ELOVL5: variants seen among roughly 807,000 people sequenced by gnomAD.
ELOVL5 encodes ELOVL fatty acid elongase 5, also known as very long chain fatty acid elongase 5.
ELOVL5 carries 8 observed loss-of-function variants against 38.6 expected under a neutral mutation model. The observed-to-expected ratio is 0.21, with a 90% confidence interval of 0.12 to 0.37. The LOEUF is 0.37. Ranked by LOEUF, ELOVL5 falls within the 10% of genes least tolerant of loss-of-function variation. The pLI is 1.00. For synonymous variants in ELOVL5, 127 were observed against 133.7 expected (o/e 0.95, Z 0.34); for missense variants, 280 against 367.8 (o/e 0.76, Z 1.95).
intron 1 of ELOVL5, among the ~76,000 whole-genome samples, chr6:53,305,394 C>T (rs1767470678): frequency 6.7e-6 from 1 of 150,228 alleles, no homozygotes; most frequent in African/African-American, 2.5e-5. Context: ...CCCCCCACCT[C>T]CCTCCCGGGC....
At chr6:53,334,104 C>A (rs1363451759) in intron 1 of ELOVL5, among the ~76,000 whole-genome samples, 3 of 152,124 alleles carry the variant, frequency 2.0e-5, no homozygotes, top group Admixed American at 2.0e-4. Flanking sequence ...CTTCTGAAAC[C>A]AAAAACTTTT....
At chr6:53,314,348 C>T (rs569861643) in intron 1 of ELOVL5, among the ~76,000 whole-genome samples, 28 of 152,196 alleles carry the variant, frequency 1.8e-4, no homozygotes, top group African/African-American at 6.0e-4. Flanking sequence ...AGTTAGGTGC[C>T]CACCTACAGC....
At chr6:53,335,609 T>C (rs1012721092) in intron 1 of ELOVL5, among the ~76,000 whole-genome samples, 14 of 152,118 alleles carry the variant, frequency 9.2e-5, no homozygotes, top group Non-Finnish European at 1.8e-4. Flanking sequence ...TTTGTCACTA[T>C]CCTTCCCCCA....
intron 1 of ELOVL5, among the ~76,000 whole-genome samples, chr6:53,315,589 C>A (rs1767997279): frequency 1.3e-5 from 2 of 152,260 alleles, no homozygotes; most frequent in South Asian, 4.1e-4. Flanking sequence ...AGTCATCTGG[C>A]CTTTGGAAAA....
chr6:53,295,544 T>C (rs1766958041), intron 2 of ELOVL5, 98 bp downstream of exon 2: 3 of 819,944 alleles, frequency 3.7e-6, no homozygotes, highest in Non-Finnish European at 5.8e-6. Context: ...TCATAGAAAA[T>C]GCTAACATTT....
At chr6:53,317,491 T>C (rs1451185004) in intron 1 of ELOVL5, among the ~76,000 whole-genome samples, 1 of 152,130 alleles carries the variant, frequency 6.6e-6, no homozygotes, top group Non-Finnish European at 1.5e-5. Context: ...ATGTCCTTTG[T>C]AGGGACATAG....
intron 1 of ELOVL5, among the ~76,000 whole-genome samples, chr6:53,323,745 G>A (rs1028199309): frequency 5.3e-5 from 8 of 151,916 alleles, no homozygotes; most frequent in African/African-American, 1.7e-4. Flanking sequence ...ACCACACCTG[G>A]TTAATTTTTG....
intron 6 of ELOVL5, among the ~76,000 whole-genome samples, chr6:53,272,807 A>G (rs765986245): frequency 2.5e-4 from 38 of 152,182 alleles, no homozygotes; most frequent in Non-Finnish European, 4.9e-4. Flanking sequence ...CTGCCTAGTA[A>G]TGGGCTACAC....
intron 3 of ELOVL5, among the ~76,000 whole-genome samples, chr6:53,281,214 T>C (rs1243417802): frequency 6.6e-6 from 1 of 152,060 alleles, no homozygotes; most frequent in Admixed American, 6.6e-5. Context: ...TATGCAGAAA[T>C]GGGGTAAAAA....
At chr6:53,324,801 A>G (rs528648014) in intron 1 of ELOVL5, among the ~76,000 whole-genome samples, 106 of 152,172 alleles carry the variant, frequency 7.0e-4, no homozygotes, top group African/African-American at 2.4e-3. Context: ...GGGCTATCAT[A>G]CCAAAAAAAA....
At chr6:53,347,357 G>A (rs539524361) in intron 1 of ELOVL5, among the ~76,000 whole-genome samples, 1 of 152,306 alleles carries the variant, frequency 6.6e-6, no homozygotes, top group South Asian at 2.1e-4. Flanking sequence ...CAGTGTCTGA[G>A]CTACCAGAAA....
Position 53,305,404 on chromosome 6 carries a change from C to A in ELOVL5, c.-8-9697G>T, listed in dbSNP as rs565256641. ...GACCCCCCCCCACCTCCCTCCCGGG[C>A]GGGGTGGCTGCCGGGCGGAGACGCT... On this transcript the variant is annotated intron_variant, in intron 1 of 7. Coordinates refer to ENST00000304434, the MANE Select transcript of ELOVL5 (RefSeq NM_021814.5). Among the ~76,000 whole-genome samples the A allele has an allele frequency of 2.2e-3, 325 of 147,766 alleles. 2 individuals are homozygous for A. The highest frequency in any genetic ancestry group is 7.9e-3 in the African/African-American group (306 of 38,870).
At chr6:53,345,432 A>C (rs1255567355) in intron 1 of ELOVL5, among the ~76,000 whole-genome samples, 1 of 140,712 alleles carries the variant, frequency 7.1e-6, no homozygotes, top group Admixed American at 7.3e-5. Flanking sequence ...ATAAAGATAT[A>C]AGTGTCCCAG....
intron 1 of ELOVL5, among the ~76,000 whole-genome samples, chr6:53,335,565 C>T (rs1769023918): frequency 6.6e-6 from 1 of 152,236 alleles, no homozygotes; most frequent in South Asian, 2.1e-4. Context: ...TTGCAGACCT[C>T]TCAGAGGCCT....
chr6:53,330,309 C>T (rs979180861), intron 1 of ELOVL5, among the ~76,000 whole-genome samples: 2 of 152,064 alleles, frequency 1.3e-5, no homozygotes, highest in African/African-American at 4.8e-5. Context: ...CTGTACAGGG[C>T]ACTTACCATG....
At chr6:53,341,048 C>CTAGT (rs1769303837) in intron 1 of ELOVL5, among the ~76,000 whole-genome samples, 2 of 152,208 alleles carry the variant, frequency 1.3e-5, no homozygotes, top group Admixed American at 1.3e-4. Flanking sequence ...ACCAGTCAGG[C>CTAGT]TAGTGAACAC....
intron 1 of ELOVL5, among the ~76,000 whole-genome samples, chr6:53,323,840 C>T (rs191317037): frequency 1.3e-5 from 2 of 152,246 alleles, no homozygotes; most frequent in African/African-American, 4.8e-5. Context: ...GGGCCATGCC[C>T]GACCATTACG....
chr6:53,290,445 A>G (rs1766729999), intron 3 of ELOVL5: 1 of 152,226 alleles, frequency 6.6e-6, no homozygotes, highest in African/African-American at 2.4e-5. Context: ...AGAAATGTGC[A>G]TAGTGCTGGG....
At chr6:53,305,501 G>A (rs1158154440) in intron 1 of ELOVL5, among the ~76,000 whole-genome samples, 91 of 147,606 alleles carry the variant, frequency 6.2e-4, no homozygotes, top group African/African-American at 2.1e-3. Flanking sequence ...GTTGCCAGGC[G>A]GAGGGTCTCC....
Sources: gnomAD v4.1 joint callset for allele counts (sites outside exome capture counted in the v4.1 genomes callset) on GRCh38, gnomAD v4.1.1 for gene constraint, MANE v1.5 for transcripts, NCBI Gene and HGNC (gene_info 2026-07-23, HGNC 2026-07-21) for gene names.